Variants in MEGF11 observed in about 807,000 individuals in gnomAD.
MEGF11 encodes multiple epidermal growth factor-like domains protein 11.
Under a neutral mutation model 146.6 loss-of-function variants are expected in MEGF11, and 126 were observed. That is an observed-to-expected ratio of 0.86 (90% CI 0.74 to 1.00). MEGF11 has a LOEUF of 1.00. MEGF11 is among the 50% of genes least tolerant of loss of function. MEGF11 has a pLI of 0.00. For synonymous variants in MEGF11, 532 were observed against 583.4 expected (o/e 0.91, Z 1.27); for missense variants, 1,509 against 1,521.2 (o/e 0.99, Z 0.13).
chr15:65,938,070 T>C (rs1034718403), intron 10 of MEGF11, among the ~76,000 whole-genome samples: 9 of 152,230 alleles, frequency 5.9e-5, no homozygotes, highest in African/African-American at 2.2e-4. Flanking sequence ...CCTCTTGGGC[T>C]TCTAAGAATC....
intron 5 of MEGF11, among the ~76,000 whole-genome samples, chr15:66,064,663 A>G (rs1222235160): frequency 6.6e-6 from 1 of 150,598 alleles, no homozygotes; most frequent in East Asian, 2.0e-4. Flanking sequence ...GATTACAGGC[A>G]TGTACCACCA....
chr15:65,943,074 C>G (rs796626586), intron 10 of MEGF11, among the ~76,000 whole-genome samples: 2 of 150,310 alleles, frequency 1.3e-5, no homozygotes, highest in East Asian at 1.9e-4. Context: ...GCAACCACCG[C>G]CCCCCGGGTT....
intron 24 of MEGF11, among the ~76,000 whole-genome samples, chr15:65,900,910 T>C (rs535975619): frequency 4.6e-5 from 7 of 152,356 alleles, no homozygotes; most frequent in African/African-American, 1.4e-4. Flanking sequence ...AGGCCAGATA[T>C]AGGCCCAGAT....
chr15:65,947,214 T>G (rs2080225696), intron 10 of MEGF11, among the ~76,000 whole-genome samples: 1 of 152,206 alleles, frequency 6.6e-6, no homozygotes, highest in Non-Finnish European at 1.5e-5. Flanking sequence ...ATAATTACTC[T>G]TGCAGATGGA....
At chr15:66,020,725 G>A (rs1280661796) in intron 5 of MEGF11, among the ~76,000 whole-genome samples, 1 of 152,146 alleles carries the variant, frequency 6.6e-6, no homozygotes, top group African/African-American at 2.4e-5. Context: ...GGGCGCAGTG[G>A]CTCACGCCTG....
intron 2 of MEGF11, among the ~76,000 whole-genome samples, chr15:66,127,339 C>T (rs2088403947): frequency 6.6e-6 from 1 of 152,216 alleles, no homozygotes; most frequent in Admixed American, 6.5e-5. Context: ...CACACAAGTG[C>T]AGGCACTGTC....
chr15:65,991,924 A>G (rs1326968885), intron 5 of MEGF11, among the ~76,000 whole-genome samples: 1 of 152,252 alleles, frequency 6.6e-6, no homozygotes, highest in East Asian at 1.9e-4. Context: ...TTAGGGGCTC[A>G]GAAGCCTGCA....
In MEGF11 at chr15:66,160,705, A is replaced by ACACACACACC. The variant is rs745545638; in HGVS notation, c.-8-32295_-8-32294insGGTGTGTGTG. On this transcript the variant is annotated intron_variant, in intron 1 of 25. Transcript: ENST00000395614. The stretch of plus-strand genomic sequence containing the variant: ...CACACACACACACACACACACACAC[A>ACACACACACC]CCCTTGCCCTAGGAATTTATTCCTG... Among the ~76,000 whole-genome samples, 4 of 145,158 alleles carry ACACACACACC rather than the reference A, an allele frequency of 2.8e-5. No individual in the cohort carries two copies. In the East Asian group the frequency reaches 8.1e-4, roughly 30 times the overall value.
rs559074455 is a variant in MEGF11, at chr15:66,029,474, A to C, written c.395-46986T>G. 2.0e-5 allele frequency among the ~76,000 whole-genome samples: 3 copies of C among 152,320 alleles called. No individual in the cohort carries two copies. In the South Asian group the frequency reaches 6.2e-4, roughly 32 times the overall value. On this transcript the variant is annotated intron_variant, in intron 5 of 25. Coordinates refer to ENST00000395614, the MANE Select transcript of MEGF11 (RefSeq NM_001385028.1). The stretch of plus-strand genomic sequence containing the variant: ...AGTTTTCACCTGCTGGCCTGGCATA[A>C]TTATTAATAGCACTCTTCAGTCTCA...
At chr15:65,938,484 C>G (rs2079865594) in intron 10 of MEGF11, among the ~76,000 whole-genome samples, 1 of 152,188 alleles carries the variant, frequency 6.6e-6, no homozygotes. Flanking sequence ...GGCCTAGATG[C>G]TCTGACCCTT....
chr15:65,997,325 T>G lies in MEGF11; in HGVS notation c.395-14837A>C, dbSNP rs2082230603. Among the ~76,000 whole-genome samples, 8 of 152,318 alleles carry G rather than the reference T, an allele frequency of 5.3e-5. No individual in the cohort carries two copies. In the South Asian group the frequency reaches 1.7e-3, roughly 32 times the overall value. The stretch of plus-strand genomic sequence containing the variant: ...CTGCAGCAGTAGGAGGTCAGCTTGG[T>G]GGGTCATTTGTTCATTCACTCAACA... On this transcript the variant is annotated intron_variant, in intron 5 of 25. Transcript: ENST00000395614.
chr15:66,056,022 A>T (rs959085499), intron 5 of MEGF11, among the ~76,000 whole-genome samples: 1 of 152,102 alleles, frequency 6.6e-6, no homozygotes, highest in Non-Finnish European at 1.5e-5. Context: ...TATGGTCCTA[A>T]ACCAGCAGCA....
chr15:66,020,986 C>T, intron 5 of MEGF11, among the ~76,000 whole-genome samples: 1 of 118,646 alleles, frequency 8.4e-6, no homozygotes, highest in Non-Finnish European at 1.7e-5. Flanking sequence ...AGCGAAACTC[C>T]ATCTCAAAAA....
At chr15:66,091,098 A>G (rs917155954) in intron 5 of MEGF11, among the ~76,000 whole-genome samples, 8 of 152,228 alleles carry the variant, frequency 5.3e-5, no homozygotes, top group African/African-American at 1.9e-4. Context: ...ATTAAACAAA[A>G]CCAAAGCTTC....
intron 23 of MEGF11, among the ~76,000 whole-genome samples, chr15:65,906,435 A>C (rs961694220): frequency 1.3e-5 from 2 of 152,180 alleles, no homozygotes; most frequent in Non-Finnish European, 2.9e-5. Flanking sequence ...CCTTCACCCT[A>C]GGGGAGTGTC....
chr15:65,913,799 A>G lies in MEGF11; in HGVS notation c.2648T>C (p.Leu883Pro). The change falls in exon 20 of 26, where the codon CTG (leucine) becomes CCG (proline). Residue 883 changes from leucine (L) to proline (P), a missense_variant. Transcript: ENST00000395614. Reference protein sequence around the residue: ...RRRQKEKGRDLAPRVSYTPAM... With the variant: ...RRRQKEKGRDPAPRVSYTPAM... ...AGGTGTGTAGGAGACACGGGGAGCCAGGTCTCGGCCCTTCTCTTTCTGCCG... is the reference window on the plus strand; with the variant it reads ...AGGTGTGTAGGAGACACGGGGAGCCGGGTCTCGGCCCTTCTCTTTCTGCCG... 6.2e-7 allele frequency: 1 copy of G among 1,613,808 alleles called. No homozygotes were observed. The highest frequency in any genetic ancestry group is 8.5e-7 in the Non-Finnish European group (1 of 1,179,804).
chr15:65,985,674 G>A (rs2081831112), intron 5 of MEGF11, among the ~76,000 whole-genome samples: 1 of 151,950 alleles, frequency 6.6e-6, no homozygotes, highest in African/African-American at 2.4e-5. Context: ...GGTAACACTT[G>A]GGTGTTTTCA....
intron 1 of MEGF11, among the ~76,000 whole-genome samples, chr15:66,177,721 G>A (rs189538701): frequency 1.9e-3 from 248 of 132,954 alleles, no homozygotes; most frequent in African/African-American, 6.9e-3. Context: ...GTCTCACTTT[G>A]TCACCCAGAC....
chr15:65,948,789 A>G (rs1331447791), intron 10 of MEGF11, among the ~76,000 whole-genome samples: 4 of 152,178 alleles, frequency 2.6e-5, no homozygotes, highest in Non-Finnish European at 4.4e-5. Flanking sequence ...ACAAGACCAC[A>G]TAGGAGGTGA....
Sources: allele counts gnomAD v4.1 joint callset (sites outside exome capture counted in the v4.1 genomes callset), GRCh38; gene constraint gnomAD v4.1.1; transcripts MANE v1.5; gene names NCBI Gene and HGNC (gene_info 2026-07-23, HGNC 2026-07-21).